Variants in TEC observed in about 807,000 individuals in gnomAD.
The protein encoded by TEC is tec protein tyrosine kinase, also known as tyrosine-protein kinase Tec.
Under a neutral mutation model 93.0 loss-of-function variants are expected in TEC, and 72 were observed. That is an observed-to-expected ratio of 0.77 (90% CI 0.64 to 0.94). The LOEUF is 0.94. TEC is among the 40% of genes least tolerant of loss of function. The pLI is 0.00. For missense variants in TEC, 630 were observed against 757.9 expected (o/e 0.83, Z 1.98); for synonymous variants, 249 against 247.7 (o/e 1.01, Z -0.05).
intron 2 of TEC, among the ~76,000 whole-genome samples, chr4:48,182,866 G>C (rs1235662913): frequency 6.6e-6 from 1 of 152,092 alleles, no homozygotes; most frequent in African/African-American, 2.4e-5. Context: ...CAAATAACCA[G>C]GCTGGTCTCA....
At chr4:48,186,697 G>A (rs1200803699) in intron 2 of TEC, among the ~76,000 whole-genome samples, 7 of 151,472 alleles carry the variant, frequency 4.6e-5, no homozygotes, top group African/African-American at 4.9e-5. Flanking sequence ...CCCTCCGCCC[G>A]GCAGCCGCCC....
At chr4:48,230,282 C>G (rs1482861001) in intron 1 of TEC, among the ~76,000 whole-genome samples, 1 of 152,124 alleles carries the variant, frequency 6.6e-6, no homozygotes, top group East Asian at 1.9e-4. Context: ...GATTGGTCAT[C>G]ATCCAATCAG....
chr4:48,175,027 C>T (rs191219766), intron 3 of TEC, among the ~76,000 whole-genome samples: 11 of 152,328 alleles, frequency 7.2e-5, no homozygotes, highest in Admixed American at 7.2e-4. Context: ...GTAAGCAAAT[C>T]AGGCAGTTTG....
At position 48,184,770 on chromosome 4, in the gene TEC, T is replaced by TACACACACACAC. The variant is rs58704241; in HGVS notation, c.139-8596_139-8585dup. On this transcript the variant is annotated intron_variant, in intron 2 of 17. Coordinates refer to ENST00000381501, the MANE Select transcript of TEC (RefSeq NM_003215.3). ...CAAAGGACCAGGCAGACAAAAAAAA[T>TACACACACACAC]ACACACACACACACACACACACACA... Among the ~76,000 whole-genome samples, 112 of 141,044 alleles carry TACACACACACAC rather than the reference T, an allele frequency of 7.9e-4. 1 individual carries two copies. The highest frequency in any genetic ancestry group is 3.6e-3 in the Middle Eastern group (1 of 280). The allele number at this position is 141,044 out of a possible 152,430, so 92.5% of individuals were successfully genotyped here.
At chr4:48,149,938 C>T (rs1281206034) in intron 10 of TEC, among the ~76,000 whole-genome samples, 7 of 152,180 alleles carry the variant, frequency 4.6e-5, no homozygotes, top group Non-Finnish European at 1.0e-4. Flanking sequence ...TTATGAATTC[C>T]ATTTAACAAC....
At position 48,164,224 on chromosome 4, in the gene TEC, C is replaced by T. The variant is rs112212410; in HGVS notation, c.672-457G>A. 6.9e-3 allele frequency among the ~76,000 whole-genome samples: 1,046 copies of T among 152,338 alleles called. 8 individuals are homozygous for T. Among genetic ancestry groups the T allele is most frequent in the Non-Finnish European group, 0.012 (822 of 68,032 alleles). Reference sequence around the variant, plus strand: ...AGTGTTGGATTAAAAATACCCACCACTCTAATACCTCAATAGTTCTTATAG... The same window carrying T: ...AGTGTTGGATTAAAAATACCCACCATTCTAATACCTCAATAGTTCTTATAG... On this transcript the variant is annotated intron_variant, in intron 7 of 17. Transcript: ENST00000381501.
intron 2 of TEC, among the ~76,000 whole-genome samples, chr4:48,214,885 G>A (rs1472043622): frequency 6.6e-6 from 1 of 152,026 alleles, no homozygotes; most frequent in African/African-American, 2.4e-5. Context: ...GGGCACAGTG[G>A]CTCACTCCTG....
chr4:48,232,147 G>A (rs952721793), intron 1 of TEC, among the ~76,000 whole-genome samples: 1 of 152,008 alleles, frequency 6.6e-6, no homozygotes, highest in Non-Finnish European at 1.5e-5. Context: ...AAACTAGCTG[G>A]GTGAGGTGGC....
At position 48,145,307 on chromosome 4, in the gene TEC, G is replaced by T; in HGVS notation, c.1254-12C>A. 4 of 1,614,056 alleles carry T rather than the reference G, an allele frequency of 2.5e-6. No individual in the cohort carries two copies. Among genetic ancestry groups the T allele is most frequent in the East Asian group, 2.2e-5 (1 of 44,884 alleles). Reference sequence around the variant, plus strand: ...GGTGTGTCAGTTTCCTGGGAAGGAAGACATATATATAGTTACTATAGGAAA... The same window carrying T: ...GGTGTGTCAGTTTCCTGGGAAGGAATACATATATATAGTTACTATAGGAAA... On this transcript the variant is annotated splice_polypyrimidine_tract_variant and intron_variant, in intron 13 of 17. Transcript: ENST00000381501.
In TEC at chr4:48,245,482, T is replaced by C. The variant is rs376226787; in HGVS notation, c.-45-16823A>G. On this transcript the variant is annotated intron_variant, in intron 1 of 17. Coordinates refer to ENST00000381501, the MANE Select transcript of TEC (RefSeq NM_003215.3). ...CTTTAAAGCTTCACCCCACCCAGTA[T>C]TTAATTTCATTAAGTAAGTTTATAC... Among the ~76,000 whole-genome samples, 13 of 152,158 alleles carry C rather than the reference T, an allele frequency of 8.5e-5. No individual in the cohort carries two copies. The East Asian group carries it at 1.9e-3, about 22-fold the overall frequency.
At chr4:48,208,742 G>A (rs770230411) in intron 2 of TEC, among the ~76,000 whole-genome samples, 43 of 152,218 alleles carry the variant, frequency 2.8e-4, no homozygotes, top group African/African-American at 1.0e-3. Context: ...TACGTTGTCT[G>A]CATCTCCCCT....
At chr4:48,180,693 G>A (rs745820502) in intron 2 of TEC, among the ~76,000 whole-genome samples, 1 of 152,156 alleles carries the variant, frequency 6.6e-6, no homozygotes, top group Non-Finnish European at 1.5e-5. Context: ...GGTGCTTTAG[G>A]AGGCTTGTAG....
intron 2 of TEC, among the ~76,000 whole-genome samples, chr4:48,225,993 C>G (rs1306063034): frequency 1.3e-5 from 2 of 152,074 alleles, no homozygotes; most frequent in African/African-American, 2.4e-5. Flanking sequence ...TTGTGACTAC[C>G]TCCTCATTCT....
intron 1 of TEC, among the ~76,000 whole-genome samples, chr4:48,249,038 A>G (rs1221574347): frequency 1.3e-5 from 2 of 152,210 alleles, no homozygotes; most frequent in Non-Finnish European, 1.5e-5. Context: ...GCTTCATAGA[A>G]TAATAATGTT....
chr4:48,157,973 G>T (rs558047886), intron 8 of TEC, among the ~76,000 whole-genome samples: 8 of 152,186 alleles, frequency 5.3e-5, no homozygotes, highest in Admixed American at 2.0e-4. Context: ...AATTTTCTTC[G>T]GTCTTTGGTT....
At chr4:48,187,381 T>G (rs1052771319) in intron 2 of TEC, among the ~76,000 whole-genome samples, 3 of 150,698 alleles carry the variant, frequency 2.0e-5, no homozygotes, top group Admixed American at 6.6e-5. Flanking sequence ...ATTGTCCTAT[T>G]ACCCTGCCAA....
intron 8 of TEC, among the ~76,000 whole-genome samples, chr4:48,161,909 G>A (rs1297625682): frequency 3.3e-5 from 5 of 152,056 alleles, no homozygotes; most frequent in Non-Finnish European, 5.9e-5. Context: ...TCCTGCCCTC[G>A]AACATTGGAC....
chr4:48,232,460 G>A (rs1723675627), intron 1 of TEC, among the ~76,000 whole-genome samples: 1 of 152,160 alleles, frequency 6.6e-6, no homozygotes, highest in African/African-American at 2.4e-5. Flanking sequence ...GGTCACACAA[G>A]CCAAGACTAG....
chr4:48,138,529 G>C, intron 17 of TEC, 136 bp downstream of exon 17: 1 of 939,098 alleles, frequency 1.1e-6, no homozygotes, highest in South Asian at 1.9e-5. Context: ...TGAGTTGAGA[G>C]GGTTGGCTTC....
Sources: gnomAD v4.1 joint callset for allele counts (sites outside exome capture counted in the v4.1 genomes callset) on GRCh38, gnomAD v4.1.1 for gene constraint, MANE v1.5 for transcripts, NCBI Gene and HGNC (gene_info 2026-07-23, HGNC 2026-07-21) for gene names.